The following BUB1 variants were observed in gnomAD, a reference collection of about 807,000 sequenced individuals.
BUB1 encodes the protein mitotic checkpoint serine/threonine-protein kinase BUB1.
BUB1 carries 84 observed loss-of-function variants against 135.2 expected under a neutral mutation model. The observed-to-expected ratio is 0.62, with a 90% confidence interval of 0.52 to 0.74. The LOEUF (loss-of-function observed/expected upper bound fraction) is 0.74, where lower values mean the gene tolerates loss of function less well. BUB1 is among the 30% of genes least tolerant of loss of function. The pLI, the probability that BUB1 is intolerant of heterozygous loss-of-function variation, is 0.00. For missense variants in BUB1, 1,162 were observed against 1,288.3 expected (o/e 0.90, Z 1.50); for synonymous variants, 403 against 434.4 (o/e 0.93, Z 0.90).
chr2:110,639,939 T>C (rs1559162560), intron 23 of BUB1, 91 bp from the exon 24 acceptor site: 2 of 1,045,822 alleles, frequency 1.9e-6, no homozygotes, highest in South Asian at 2.5e-5. Context: ...GCAAGTTAAA[T>C]ACTCACAGGA....
rs761513460 is a variant in BUB1, at chr2:110,678,018, G to A, written c.-23C>T. 2.0e-5 allele frequency: 32 copies of A among 1,600,850 alleles called. No individual in the cohort carries two copies. The highest frequency in any genetic ancestry group is 2.6e-5 in the Non-Finnish European group (31 of 1,174,750). On this transcript the variant is annotated 5_prime_UTR_variant, in exon 1 of 25. Transcript: ENST00000302759. The stretch of plus-strand genomic sequence containing the variant: ...CATGGCCAGAGGACGCTGGCCGGCA[G>A]CGGCCAAACCTGAACCGCAAACTAG...
chr2:110,644,968 C>T (rs915081770), intron 19 of BUB1, among the ~76,000 whole-genome samples: 4 of 151,834 alleles, frequency 2.6e-5, no homozygotes, highest in African/African-American at 9.7e-5. Flanking sequence ...TATGAAAGAA[C>T]TCAAAATCAG....
intron 4 of BUB1, among the ~76,000 whole-genome samples, chr2:110,670,965 T>C (rs1341101966): frequency 6.6e-6 from 1 of 152,202 alleles, no homozygotes; most frequent in Non-Finnish European, 1.5e-5. Flanking sequence ...CAAAAGTACT[T>C]AGATTACTGC....
In BUB1 at chr2:110,667,599, T is replaced by C. The variant is rs1223691396; in HGVS notation, c.727A>G (p.Ile243Val). Residue 243 changes from isoleucine to valine, a missense_variant, in exon 8 of 25, where the codon ATT (isoleucine) becomes GTT (valine). By Grantham distance (29) the Ile-to-Val change is conservative (BLOSUM62 3). Transcript: ENST00000302759. ...AAGGAAAATTCTGATTCCCCACGAA[T>C]AAGCTTCTCCTTGCAATACATAACA... ...QVVMYCKEKL[I>V]RGESEFSFEE... is the part of the protein sequence containing the mutation. 2 of 1,613,948 alleles carry C rather than the reference T, an allele frequency of 1.2e-6. No homozygotes were observed. The highest frequency in any genetic ancestry group is 1.1e-5 in the South Asian group (1 of 91,066).
At chr2:110,669,355 T>C (rs972373927) in intron 6 of BUB1, 98 bp downstream of exon 6, 1 of 839,210 alleles carries the variant, frequency 1.2e-6, no homozygotes, top group African/African-American at 1.7e-5. Flanking sequence ...AAGAGAAAGA[T>C]CAAAGAAATG....
At chr2:110,641,539 C>G in intron 21 of BUB1, 75 bp from the exon 22 acceptor site, 1 of 1,554,154 alleles carries the variant, frequency 6.4e-7, no homozygotes, top group Non-Finnish European at 8.7e-7. Flanking sequence ...AGCTTTGCCC[C>G]TGCCCACCAC....
At chr2:110,649,107 A>G (rs1352301282) in intron 19 of BUB1, 127 bp downstream of exon 19, 7 of 856,064 alleles carry the variant, frequency 8.2e-6, no homozygotes, top group Non-Finnish European at 1.2e-5. Context: ...AGTATTACAG[A>G]TACAACTCCC....
intron 4 of BUB1, among the ~76,000 whole-genome samples, chr2:110,671,101 C>A (rs182395708): frequency 1.3e-5 from 2 of 152,132 alleles, no homozygotes. Flanking sequence ...CATTTCTGAG[C>A]GATGCGAGCC....
intron 1 of BUB1, chr2:110,675,342 G>A (rs1373733525): frequency 6.6e-6 from 1 of 152,290 alleles, no homozygotes; most frequent in Non-Finnish European, 1.5e-5. Flanking sequence ...GGCTGGTCAA[G>A]GAAGCCCTGC....
Position 110,641,725 on chromosome 2 carries a change from T to C in BUB1, c.2542A>G (p.Met848Val), listed in dbSNP as rs767034942. Residue 848 changes from methionine (M) to valine (V), a missense_variant, in exon 21 of 25, where the codon ATG (methionine) becomes GTG (valine). Transcript: ENST00000302759. ...MERLKPSMQH[M>V]FMKFYSAHLF... is the part of the protein sequence containing the mutation. ...TGGGCAGAATAGAACTTCATAAACA[T>C]GTGCTGCATAGATGGCTTTAGTCTT... 1.9e-6 allele frequency: 3 copies of C among 1,612,784 alleles called. No individual in the cohort carries two copies. Among genetic ancestry groups the C allele is most frequent in the Non-Finnish European group, 2.5e-6 (3 of 1,179,988 alleles).
intron 10 of BUB1, 32 bp downstream of exon 10, chr2:110,661,549 TC>T (rs760144626): frequency 6.2e-7 from 1 of 1,604,800 alleles, no homozygotes; most frequent in South Asian, 1.1e-5. Context: ...GCCACTCACA[TC>T]ACTGTGATCT....
chr2:110,654,865 G>A (rs1305678751), intron 16 of BUB1, among the ~76,000 whole-genome samples: 2 of 152,086 alleles, frequency 1.3e-5, no homozygotes, highest in African/African-American at 4.8e-5. Context: ...TATTGCTTTG[G>A]TAAACAATTG....
intron 18 of BUB1, 46 bp downstream of exon 18, chr2:110,650,500 G>A (rs1379694485): frequency 3.2e-6 from 5 of 1,563,412 alleles, no homozygotes; most frequent in Non-Finnish European, 4.4e-6. Flanking sequence ...CTTTCCCCAT[G>A]CTCCTGTCCT....
chr2:110,657,649 C>A lies in BUB1; in HGVS notation c.1517-4G>T. The stretch of plus-strand genomic sequence containing the variant: ...GCCCCAGATGACCTTACATTTTCTG[C>A]AACAGAATAAAAAATAGCATCTAAT... On this transcript the variant is annotated splice_region_variant and splice_polypyrimidine_tract_variant and intron_variant, in intron 13 of 24. Transcript: ENST00000302759. 6.4e-7 allele frequency: 1 copy of A among 1,551,602 alleles called. No homozygotes were observed.
chr2:110,661,748 T>C lies in BUB1; in HGVS notation c.1051A>G (p.Met351Val), dbSNP rs769136340. 1.9e-6 allele frequency: 3 copies of C among 1,614,098 alleles called. No homozygotes were observed. The highest frequency in any genetic ancestry group is 1.1e-5 in the South Asian group (1 of 91,092). Residue 351 changes from methionine to valine, a missense_variant, in exon 10 of 25, where the codon ATG becomes GTG. Coordinates refer to ENST00000302759, the MANE Select transcript of BUB1 (RefSeq NM_004336.5). ...PVTYQQTPVN[M>V]EKNPREAPPV... ...GGTGCCTCTCTTGGGTTCTTTTCCA[T>C]GTTCACTGGTGTCTGCTGATAGGTT... is the stretch of plus-strand genomic sequence containing the variant.
chr2:110,670,698 G>T, intron 4 of BUB1, 130 bp from the exon 5 acceptor site: 2 of 844,352 alleles, frequency 2.4e-6, no homozygotes, highest in Non-Finnish European at 3.6e-6. Context: ...AGAATGTACA[G>T]TTGCATTTTA....
intron 5 of BUB1, among the ~76,000 whole-genome samples, chr2:110,670,139 T>C (rs891336634): frequency 7.0e-6 from 1 of 143,182 alleles, no homozygotes; most frequent in African/African-American, 2.6e-5. Context: ...TTTTTTTTTT[T>C]TTTTTTTTTT....
Position 110,655,731 on chromosome 2 carries a change from A to G in BUB1, c.1876+8T>C, listed in dbSNP as rs1689914491. On this transcript the variant is annotated splice_region_variant and intron_variant, in intron 16 of 24. Transcript: ENST00000302759. Reference sequence around the variant, plus strand: ...AGAAGACAGACACTAAAACAGTGTAACACACACCTTTATCTTCTAAAATGT... The same window carrying G: ...AGAAGACAGACACTAAAACAGTGTAGCACACACCTTTATCTTCTAAAATGT... 6.2e-7 allele frequency: 1 copy of G among 1,611,028 alleles called. No individual in the cohort carries two copies. The highest frequency in any genetic ancestry group is 8.5e-7 in the Non-Finnish European group (1 of 1,177,624).
At chr2:110,649,818 A>G (rs1336789720) in intron 18 of BUB1, among the ~76,000 whole-genome samples, 3 of 152,234 alleles carry the variant, frequency 2.0e-5, no homozygotes, top group Admixed American at 6.5e-5. Flanking sequence ...TGCATATATG[A>G]GATATACTTT....
Sources: gnomAD v4.1 joint callset for allele counts (sites outside exome capture counted in the v4.1 genomes callset) on GRCh38, gnomAD v4.1.1 for gene constraint, MANE v1.5 for transcripts, NCBI Gene and HGNC (gene_info 2026-07-23, HGNC 2026-07-21) for gene names.